DRD3: variants seen among roughly 807,000 people sequenced by gnomAD.
DRD3 encodes D(3) dopamine receptor.
A neutral mutation model predicts 36.3 loss-of-function variants in DRD3; 19 were observed. The ratio of observed to expected loss-of-function variants is 0.52; its 90% CI spans 0.36 to 0.77. The LOEUF is 0.77. DRD3 is among the 30% of genes least tolerant of loss of function. The probability of loss-of-function intolerance (pLI) is 0.00; values close to 1 mark genes in which losing one functional copy is unlikely to be tolerated. For synonymous variants in DRD3, 195 were observed against 203.7 expected (o/e 0.96, Z 0.36); for missense variants, 465 against 505.3 (o/e 0.92, Z 0.77).
chr3:114,128,608 G>A lies in DRD3; in HGVS notation c.*108C>T. 7 of 1,160,226 alleles carry A rather than the reference G, an allele frequency of 6.0e-6. No individual in the cohort carries two copies. The highest frequency in any genetic ancestry group is 8.2e-6 in the Non-Finnish European group (7 of 851,796). 71.9% of individuals were successfully genotyped at this position (1,160,226 alleles called of 1,614,324 possible). On this transcript the variant is annotated 3_prime_UTR_variant, in exon 7 of 7. Transcript: ENST00000383673. ...GACAAGCAGGGACATCCTGGCTCCAGGAATCTTCTTCCTACTGCATGCCGG... is the reference window on the plus strand; with the variant it reads ...GACAAGCAGGGACATCCTGGCTCCAAGAATCTTCTTCCTACTGCATGCCGG...
intron 2 of DRD3, among the ~76,000 whole-genome samples, chr3:114,163,058 C>G (rs543779188): frequency 6.6e-6 from 1 of 152,190 alleles, no homozygotes; most frequent in African/African-American, 2.4e-5. Flanking sequence ...TCCAGGCCCC[C>G]AATGGCCTGT....
At chr3:114,185,688 T>A (rs1463223811) in intron 1 of DRD3, among the ~76,000 whole-genome samples, 3 of 152,218 alleles carry the variant, frequency 2.0e-5, no homozygotes, top group Non-Finnish European at 2.9e-5. Context: ...ATTTTATTTT[T>A]TTTTTAAGAG....
At chr3:114,156,584 C>A (rs2077669568) in intron 3 of DRD3, among the ~76,000 whole-genome samples, 1 of 152,034 alleles carries the variant, frequency 6.6e-6, no homozygotes, top group Non-Finnish European at 1.5e-5. Context: ...TCCTTCATAG[C>A]ACTATCAAAA....
intron 1 of DRD3, among the ~76,000 whole-genome samples, chr3:114,192,146 G>A (rs1387455175): frequency 6.6e-6 from 1 of 152,198 alleles, no homozygotes; most frequent in African/African-American, 2.4e-5. Flanking sequence ...ATTGGTTAGA[G>A]GTGCATATTT....
intron 1 of DRD3, among the ~76,000 whole-genome samples, chr3:114,194,230 A>G (rs1240815391): frequency 6.6e-6 from 1 of 152,176 alleles, no homozygotes; most frequent in South Asian, 2.1e-4. Flanking sequence ...TTGTCTAGCT[A>G]TGTTTCAGAA....
At chr3:114,131,437 G>A in intron 5 of DRD3, 37 bp from the exon 6 acceptor site, 2 of 1,587,538 alleles carry the variant, frequency 1.3e-6, no homozygotes, top group Non-Finnish European at 8.6e-7. Context: ...GACATTTCTG[G>A]GGGTATTGTT....
intron 1 of DRD3, among the ~76,000 whole-genome samples, chr3:114,174,626 A>G (rs939169129): frequency 6.6e-6 from 1 of 152,192 alleles, no homozygotes; most frequent in Non-Finnish European, 1.5e-5. Flanking sequence ...GGTGGGTTAA[A>G]CCGTGATTGT....
At chr3:114,191,345 G>T (rs1392798988) in intron 1 of DRD3, among the ~76,000 whole-genome samples, 1 of 152,144 alleles carries the variant, frequency 6.6e-6, no homozygotes, top group African/African-American at 2.4e-5. Flanking sequence ...AAGACAAGGG[G>T]CAGCCAACCA....
intron 1 of DRD3, among the ~76,000 whole-genome samples, chr3:114,196,988 T>A (rs2078038608): frequency 6.7e-6 from 1 of 148,542 alleles, no homozygotes; most frequent in Non-Finnish European, 1.5e-5. Context: ...CTTTTTTTCT[T>A]TTTTTTTTAT....
chr3:114,175,141 A>G (rs1440932581), intron 1 of DRD3, among the ~76,000 whole-genome samples: 2 of 152,068 alleles, frequency 1.3e-5, no homozygotes, highest in Admixed American at 6.6e-5. Flanking sequence ...CCTCCCCACA[A>G]GTTGGGACAA....
chr3:114,161,411 C>T (rs2077731902), intron 2 of DRD3, among the ~76,000 whole-genome samples: 1 of 152,140 alleles, frequency 6.6e-6, no homozygotes, highest in Admixed American at 6.5e-5. Context: ...TGTTTTATCC[C>T]AATAAAATAA....
At chr3:114,173,797 TA>T (rs1387760695) in intron 1 of DRD3, among the ~76,000 whole-genome samples, 1 of 152,220 alleles carries the variant, frequency 6.6e-6, no homozygotes, top group Admixed American at 6.5e-5. Context: ...AACTTTAAAA[TA>T]TTTAAGCATG....
In DRD3 at chr3:114,131,171, C is replaced by T. The variant is rs201759000; in HGVS notation, c.953G>A (p.Arg318Gln). The T allele has an allele frequency of 1.2e-6, 2 of 1,614,154 alleles. No individual in the cohort carries two copies. Among genetic ancestry groups the T allele is most frequent in the Non-Finnish European group, 1.7e-6 (2 of 1,180,028 alleles). The part of the protein sequence containing the change: ...TSLKLGPLQP[R>Q]GVPLREKKAT... ...CTTCTTCTCCCGAAGTGGCACTCCC[C>T]GAGGTTGCAGGGGCCCCAGCTTCAA... Residue 318 changes from arginine to glutamine, a missense_variant, in exon 6 of 7, where the codon CGG becomes CAG. Arg to Gln is a conservative substitution (Grantham distance 43). Transcript: ENST00000383673.
chr3:114,196,458 G>A (rs760799183), intron 1 of DRD3, among the ~76,000 whole-genome samples: 8 of 152,238 alleles, frequency 5.3e-5, no homozygotes, highest in Non-Finnish European at 1.0e-4. Context: ...GGGACCACAT[G>A]CTCACATCAC....
chr3:114,171,749 C>T lies in DRD3; in HGVS notation c.244G>A (p.Val82Met), dbSNP rs2077844725. ...AVADLLVATLVMPWVVYLEVT... is the reference protein window; with the variant it reads ...AVADLLVATLMMPWVVYLEVT... ...TCCAGGTATACCACCCAGGGCATCA[C>T]CAAGGTGGCCACCAGCAAGTCTGCC... The change falls in exon 2 of 7, where the codon GTG becomes ATG. Residue 82 changes from valine (V) to methionine (M), a missense_variant. Coordinates refer to ENST00000383673, the MANE Select transcript of DRD3 (RefSeq NM_000796.6). 3 of 1,610,464 alleles carry T rather than the reference C, an allele frequency of 1.9e-6. No homozygotes were observed. Among genetic ancestry groups the T allele is most frequent in the Non-Finnish European group, 2.5e-6 (3 of 1,178,068 alleles).
intron 1 of DRD3, among the ~76,000 whole-genome samples, chr3:114,187,497 A>G (rs989629292): frequency 2.6e-5 from 4 of 152,382 alleles, no homozygotes; most frequent in Middle Eastern, 3.4e-3. Context: ...CTTGAATTCA[A>G]TGAAGCTTTT....
intron 5 of DRD3, among the ~76,000 whole-genome samples, chr3:114,134,143 C>T (rs572146404): frequency 7.0e-4 from 106 of 152,304 alleles, no homozygotes; most frequent in African/African-American, 2.4e-3. Context: ...AAAAACCCCT[C>T]GCTTTGGTTT....
chr3:114,148,587 TG>T (rs2077589547), intron 3 of DRD3, among the ~76,000 whole-genome samples: 1 of 152,138 alleles, frequency 6.6e-6, no homozygotes, highest in Non-Finnish European at 1.5e-5. Flanking sequence ...TGTCTAAAAC[TG>T]ATCTCCCCAA....
chr3:114,147,915 A>G (rs529512424), intron 3 of DRD3, among the ~76,000 whole-genome samples: 9 of 152,360 alleles, frequency 5.9e-5, no homozygotes, highest in Non-Finnish European at 1.2e-4. Context: ...TTGGGATTAC[A>G]GGCGTGAGCC....
Sources: gnomAD v4.1 joint callset for allele counts (sites outside exome capture counted in the v4.1 genomes callset) on GRCh38, gnomAD v4.1.1 for gene constraint, MANE v1.5 for transcripts, NCBI Gene and HGNC (gene_info 2026-07-23, HGNC 2026-07-21) for gene names.